AKAP8L: variants seen among roughly 807,000 people sequenced by gnomAD.
AKAP8L encodes A-kinase anchor protein 8-like.
Under a neutral mutation model 77.5 loss-of-function variants are expected in AKAP8L, and 34 were observed. The observed-to-expected ratio is 0.44, with a 90% CI of 0.33 to 0.58. AKAP8L has a LOEUF of 0.58. Among genes scored for constraint, AKAP8L ranks in the 20% least tolerant of loss-of-function variants. The pLI is 0.02. For synonymous variants in AKAP8L, 342 were observed against 340.7 expected, an observed-to-expected ratio of 1.00 and a Z score of -0.04; for missense variants, 806 against 887.6, an observed-to-expected ratio of 0.91 and a Z score of 1.17.
intron 2 of AKAP8L, among the ~76,000 whole-genome samples, chr19:15,404,473 G>A (rs114559526): frequency 6.6e-4 from 100 of 152,348 alleles, no homozygotes; most frequent in African/African-American, 2.2e-3. Context: ...ACATCAGTGA[G>A]AGAAGCCCAA....
chr19:15,387,715 C>T (rs998016264), intron 12 of AKAP8L, among the ~76,000 whole-genome samples: 1 of 152,182 alleles, frequency 6.6e-6, no homozygotes, highest in African/African-American at 2.4e-5. Flanking sequence ...AATCCCAGCA[C>T]CTTGTGAGGC....
intron 8 of AKAP8L, 127 bp downstream of exon 8, chr19:15,400,168 A>T: frequency 2.2e-6 from 2 of 928,404 alleles, no homozygotes; most frequent in Non-Finnish European, 1.7e-6. Flanking sequence ...GCCAGCACAC[A>T]CTCGGGCCCA....
chr19:15,384,653 G>C (rs1019154378), intron 12 of AKAP8L, among the ~76,000 whole-genome samples: 4 of 152,218 alleles, frequency 2.6e-5, no homozygotes, highest in South Asian at 4.1e-4. Flanking sequence ...ACATTGTGTG[G>C]TTATTTTAAG....
chr19:15,416,665 A>G (rs1968213288), intron 1 of AKAP8L, among the ~76,000 whole-genome samples: 1 of 152,216 alleles, frequency 6.6e-6, no homozygotes, highest in South Asian at 2.1e-4. Context: ...TGTGTGAGAC[A>G]ATAAATGTTT....
chr19:15,409,222 G>A lies in AKAP8L; in HGVS notation c.88+1298C>T, dbSNP rs908559021. On this transcript the variant is annotated intron_variant, in intron 2 of 13. Transcript: ENST00000397410. ...CAAGAGAATAGACAAGCCACAGTCT[G>A]GGAGAAAATATTTGTAAATGGCATA... Among the ~76,000 whole-genome samples, 4 of 152,312 alleles carry A rather than the reference G, an allele frequency of 2.6e-5. 1 individual carries two copies. Among genetic ancestry groups the A allele is most frequent in the African/African-American group, 9.6e-5 (4 of 41,570 alleles).
intron 12 of AKAP8L, among the ~76,000 whole-genome samples, chr19:15,384,375 C>G (rs1339136229): frequency 1.3e-5 from 2 of 149,686 alleles, no homozygotes; most frequent in Non-Finnish European, 3.0e-5. Context: ...TCTTGGCTCA[C>G]TGCAACCTCC....
intron 12 of AKAP8L, among the ~76,000 whole-genome samples, chr19:15,393,891 G>A (rs996112361): frequency 2.6e-4 from 34 of 129,944 alleles, no homozygotes; most frequent in Non-Finnish European, 4.2e-4. Context: ...CAAGAAGAGC[G>A]AATCTCTGTC....
At chr19:15,418,875 C>T (rs766059297) in intron 1 of AKAP8L, 36 bp downstream of exon 1, 189 of 1,590,932 alleles carry the variant, frequency 1.2e-4, no homozygotes, top group Non-Finnish European at 1.5e-4. Context: ...TGTCCCATCC[C>T]CCACGCAGAG....
Position 15,380,288 on chromosome 19 carries a change from G to A in AKAP8L, c.1775C>T (p.Pro592Leu). 6.5e-7 allele frequency: 1 copy of A among 1,527,894 alleles called. No homozygotes were observed. The highest frequency in any genetic ancestry group is 8.7e-7 in the Non-Finnish European group (1 of 1,144,068). The allele number at this position is 1,527,894 out of a possible 1,614,324, so 94.6% of individuals were successfully genotyped here. Reference protein sequence around the residue: ...AEGVPAQPPVPPEPAPGAVSP... With the variant: ...AEGVPAQPPVLPEPAPGAVSP... ...CACGGCCCCGGGGGCTGGCTCTGGGGGCACGGGAGGCTGCGCCGGCACGCC... is the reference window on the plus strand; with the variant it reads ...CACGGCCCCGGGGGCTGGCTCTGGGAGCACGGGAGGCTGCGCCGGCACGCC... The change falls in exon 14 of 14, where the codon CCC becomes CTC. Residue 592 changes from proline to leucine, a missense_variant. Pro to Leu is a moderately conservative substitution (Grantham distance 98, BLOSUM62 -3). Coordinates refer to ENST00000397410, the MANE Select transcript of AKAP8L (RefSeq NM_014371.4).
chr19:15,389,421 C>T (rs573028478), intron 12 of AKAP8L, among the ~76,000 whole-genome samples: 6 of 152,026 alleles, frequency 3.9e-5, no homozygotes, highest in Non-Finnish European at 7.4e-5. Flanking sequence ...AAACAAAATA[C>T]TTGAAGAAAC....
chr19:15,405,917 G>C (rs1967987879), intron 2 of AKAP8L, among the ~76,000 whole-genome samples: 2 of 150,742 alleles, frequency 1.3e-5, no homozygotes, highest in South Asian at 4.2e-4. Context: ...GCGAGACTCT[G>C]TCTCAAAAAA....
At chr19:15,384,582 T>G (rs2145104309) in intron 12 of AKAP8L, among the ~76,000 whole-genome samples, 1 of 152,346 alleles carries the variant, frequency 6.6e-6, no homozygotes, top group East Asian at 1.9e-4. Context: ...ATTACAGGCA[T>G]GAGCCACCAT....
chr19:15,403,515 C>G lies in AKAP8L; in HGVS notation c.322G>C (p.Asp108His). 1 of 1,614,036 alleles carries G rather than the reference C, an allele frequency of 6.2e-7. No individual in the cohort carries two copies. The highest frequency in any genetic ancestry group is 8.5e-7 in the Non-Finnish European group (1 of 1,179,904). ...CCGTACACGCCTCCTTGCATCATGT[C>G]TGTCTCCAAATGCGGCACCATATCT... is the stretch of plus-strand genomic sequence containing the variant. Reference protein sequence around the residue: ...RLDMVPHLETDMMQGGVYGSG... With the variant: ...RLDMVPHLETHMMQGGVYGSG... Residue 108 changes from aspartate (D) to histidine (H), a missense_variant, in exon 4 of 14, where the codon GAC (aspartate) becomes CAC (histidine). Around this residue, in one of 2 missense-constraint regions of AKAP8L, gnomAD observed 580 missense variants for 694.1 expected, o/e 0.84. Transcript: ENST00000397410. This position sits in a 1 kb window ranked among gnomAD's most constrained non-coding sequence, Gnocchi z 4.3.
At position 15,401,366 on chromosome 19, in the gene AKAP8L, C is replaced by T. The variant is rs1967894952; in HGVS notation, c.600G>A (p.Met200Ile). 1.2e-6 allele frequency: 2 copies of T among 1,613,210 alleles called. No individual in the cohort carries two copies. Among genetic ancestry groups the T allele is most frequent in the African/African-American group, 2.7e-5 (2 of 74,944 alleles). Residue 200 changes from methionine (M) to isoleucine (I), a missense_variant, in exon 5 of 14, where the codon ATG becomes ATA. Physicochemically the swap from Met to Ile is conservative, Grantham distance 10. Coordinates refer to ENST00000397410, the MANE Select transcript of AKAP8L (RefSeq NM_014371.4). The surrounding 1 kb of genome is among the most constrained non-coding windows in gnomAD (Gnocchi z 6.2). ...GRPMASGYGRMWEDPMGARGQ... is the reference protein window; with the variant it reads ...GRPMASGYGRIWEDPMGARGQ... ...CCCGGGCCCCCATGGGGTCTTCCCA[C>T]ATGCGCCCATAGCCTGAGGCCATTG... is the stretch of plus-strand genomic sequence containing the variant.
Position 15,400,928 on chromosome 19 carries a change from T to C in AKAP8L, c.913+19A>G, listed in dbSNP as rs375300860. On this transcript the variant is annotated intron_variant, in intron 6 of 13. Coordinates refer to ENST00000397410, the MANE Select transcript of AKAP8L (RefSeq NM_014371.4). ...CCAGAGGCAGGGGGCAGCCGCCCAG[T>C]ACCACCTAGTGGGCTCACCATTGTC... The C allele has an allele frequency of 2.5e-6, 4 of 1,613,926 alleles. No individual in the cohort carries two copies. Among genetic ancestry groups the C allele is most frequent in the Non-Finnish European group, 3.4e-6 (4 of 1,179,854 alleles).
chr19:15,397,155 G>A lies in AKAP8L; in HGVS notation c.1531C>T (p.Arg511Cys), dbSNP rs578012862. 10 of 1,613,770 alleles carry A rather than the reference G, an allele frequency of 6.2e-6. No homozygotes were observed. Among genetic ancestry groups the A allele is most frequent in the Admixed American group, 1.7e-5 (1 of 60,020 alleles). ...AGAGCACTGTGGCCACTCACCCTGC[G>A]GTTCCGGTTGTGATCCATGGTCTTC... ...HLKTMDHNRNRRLMMEQSKKS... is the reference protein window; with the variant it reads ...HLKTMDHNRNCRLMMEQSKKS... The change falls in exon 12 of 14, where the codon CGC (arginine) becomes TGC (cysteine). Residue 511 changes from arginine (R) to cysteine (C), a missense_variant. This residue lies in a region of AKAP8L where 580 missense variants were observed against 694.1 expected (regional missense o/e 0.84). Coordinates refer to ENST00000397410, the MANE Select transcript of AKAP8L (RefSeq NM_014371.4). The surrounding 1 kb of genome is among the most constrained non-coding windows in gnomAD (Gnocchi z 4.7).
chr19:15,418,929 C>T lies in AKAP8L; in HGVS notation c.-6G>A, dbSNP rs1182639134. 9.4e-6 allele frequency: 15 copies of T among 1,603,408 alleles called. No individual in the cohort carries two copies. Among genetic ancestry groups the T allele is most frequent in the Non-Finnish European group, 1.3e-5 (15 of 1,178,868 alleles). On this transcript the variant is annotated 5_prime_UTR_variant, in exon 1 of 14. Coordinates refer to ENST00000397410, the MANE Select transcript of AKAP8L (RefSeq NM_014371.4). ...GGCCCACCTGTGTAGCTCATGGTGG[C>T]GGGCAACACAACATCCGACGACGCC...
intron 1 of AKAP8L, among the ~76,000 whole-genome samples, chr19:15,416,844 A>C (rs570557628): frequency 1.3e-5 from 2 of 152,290 alleles, no homozygotes; most frequent in Admixed American, 1.3e-4. Context: ...AGTTAATAAA[A>C]AGATTTATCA....
At chr19:15,411,871 T>C (rs1401726252) in intron 1 of AKAP8L, among the ~76,000 whole-genome samples, 2 of 152,082 alleles carry the variant, frequency 1.3e-5, no homozygotes, top group Non-Finnish European at 2.9e-5. Flanking sequence ...CTGGCCAACA[T>C]GGTGAAACCC....
Sources: gnomAD v4.1 joint callset for allele counts (sites outside exome capture counted in the v4.1 genomes callset) on GRCh38, gnomAD v4.1.1 for gene constraint, gnomAD v4.1.1 regional missense constraint, Gnocchi (gnomAD v3.1) non-coding constraint, MANE v1.5 for transcripts, NCBI Gene and HGNC (gene_info 2026-07-23, HGNC 2026-07-21) for gene names.